CCDC14: variants seen among roughly 807,000 people sequenced by gnomAD.
CCDC14 encodes coiled-coil domain-containing protein 14.
CCDC14 carries 71 observed loss-of-function variants against 81.4 expected under a neutral mutation model. That is an observed-to-expected ratio of 0.87 (90% CI 0.72 to 1.06). The LOEUF (loss-of-function observed/expected upper bound fraction) is 1.06. CCDC14 is among the 50% of genes least tolerant of loss of function. The pLI is 0.00. For missense variants in CCDC14, 1,046 were observed against 1,047.3 expected (o/e 1.00, Z 0.02); for synonymous variants, 332 against 364.8 (o/e 0.91, Z 1.03).
At chr3:123,893,946 C>A (rs966870781), downstream of CCDC14, among the ~76,000 whole-genome samples, 2 of 152,116 alleles carry the variant, frequency 1.3e-5, no homozygotes, top group Admixed American at 6.5e-5. Flanking sequence ...GACTATTAAT[C>A]CTTTTCTAGA....
downstream of CCDC14, among the ~76,000 whole-genome samples, chr3:123,909,964 C>T (rs1310118826): frequency 6.6e-6 from 1 of 152,164 alleles, no homozygotes; most frequent in Non-Finnish European, 1.5e-5. Context: ...TCAGTTTCCA[C>T]ATGATAATTT....
At chr3:123,901,018 G>C (rs976374615) in intron 5 of CCDC14, among the ~76,000 whole-genome samples, 2 of 152,090 alleles carry the variant, frequency 1.3e-5, no homozygotes. Context: ...CAGATCGTGA[G>C]GTCAGGAGAT....
chr3:123,909,337 C>A (rs993692446), downstream of CCDC14, among the ~76,000 whole-genome samples: 8 of 152,132 alleles, frequency 5.3e-5, no homozygotes, highest in Non-Finnish European at 7.3e-5. Flanking sequence ...TCCATGTCTT[C>A]TTGAGATTTC....
chr3:123,931,580 C>A (rs2035713661), intron 10 of CCDC14, 54 bp from the exon 11 acceptor site: 13 of 858,848 alleles, frequency 1.5e-5, no homozygotes, highest in South Asian at 4.5e-5. Context: ...AAAGTACAAA[C>A]TTGGAAAATA....
rs1449971801 is a variant in CCDC14 at position 123,933,752 on chromosome 3, C to T, written c.1347G>A (p.Gln449=). 10 of 1,561,078 alleles carry T rather than the reference C, an allele frequency of 6.4e-6. No individual in the cohort carries two copies. The highest frequency in any genetic ancestry group is 7.8e-6 in the Non-Finnish European group (9 of 1,150,196). The change falls in exon 10 of 13, where the codon CAG becomes CAA. Residue 449 remains glutamine, a synonymous_variant. Coordinates refer to ENST00000409697, the MANE Select transcript of CCDC14 (RefSeq NM_001366335.1). ...LRSENAQLRR[Q]LRILNQQLRE... ...TGAGTTGCTGGTTCAAAATTCTCAA[C>T]TGCCTAAAGAAATAATGAAGAACTA...
At chr3:123,948,600 G>A (rs1339381630) in intron 7 of CCDC14, 91 bp downstream of exon 7, 1 of 943,946 alleles carries the variant, frequency 1.1e-6, no homozygotes, top group East Asian at 2.8e-5. Flanking sequence ...AAATCCTAGT[G>A]CATTAAGTTA....
chr3:123,892,103 AT>A, the CCDC14 span, among the ~76,000 whole-genome samples: 6 of 152,200 alleles, frequency 3.9e-5, no homozygotes, highest in Non-Finnish European at 8.8e-5. Context: ...ACCCGCCCCC[AT>A]GATTCAATCA....
At chr3:123,904,856 G>A (rs922749419) in intron 5 of CCDC14, among the ~76,000 whole-genome samples, 1 of 152,002 alleles carries the variant, frequency 6.6e-6, no homozygotes, top group Non-Finnish European at 1.5e-5. Flanking sequence ...TTGATCAACT[G>A]GTCCTTCACA....
chr3:123,889,639 G>C, the CCDC14 span, among the ~76,000 whole-genome samples: 1 of 152,228 alleles, frequency 6.6e-6, no homozygotes, highest in African/African-American at 2.4e-5. Context: ...TCACAGGCTG[G>C]CATTGAGTGC....
At chr3:123,952,911 C>A (rs1318873077) in intron 5 of CCDC14, 1 of 193,340 alleles carries the variant, frequency 5.2e-6, no homozygotes, top group East Asian at 1.1e-4. Flanking sequence ...ACACACACAA[C>A]TAGAAACTAA....
At chr3:123,933,050 G>A (rs558538926) in intron 10 of CCDC14, among the ~76,000 whole-genome samples, 31 of 152,212 alleles carry the variant, frequency 2.0e-4, no homozygotes, top group African/African-American at 7.0e-4. Context: ...AGTGAGACAC[G>A]ATCGCACCAC....
chr3:123,893,593 G>T (rs2034019148), downstream of CCDC14, among the ~76,000 whole-genome samples: 1 of 152,050 alleles, frequency 6.6e-6, no homozygotes. Flanking sequence ...ACATACTTAG[G>T]AATGAAATTA....
intron 5 of CCDC14, among the ~76,000 whole-genome samples, chr3:123,903,343 C>CACACACACAT (rs2034220559): frequency 6.8e-6 from 1 of 146,072 alleles, no homozygotes; most frequent in African/African-American, 2.5e-5. Flanking sequence ...CACACACACA[C>CACACACACAT]GACAAGCCAC....
the CCDC14 span, among the ~76,000 whole-genome samples, chr3:123,891,132 C>G: frequency 5.3e-5 from 8 of 151,490 alleles, no homozygotes; most frequent in Admixed American, 5.3e-4. Flanking sequence ...GGCACCTAAT[C>G]CCCAGGCTGC....
chr3:123,931,320 T>G lies in CCDC14; in HGVS notation c.1633A>C (p.Arg545=). 6.5e-7 allele frequency: 1 copy of G among 1,530,568 alleles called. No homozygotes were observed. The highest frequency in any genetic ancestry group is 8.9e-7 in the Non-Finnish European group (1 of 1,127,352). The allele number at this position is 1,530,568 out of a possible 1,614,324, so 94.8% of individuals were successfully genotyped here. The change falls in exon 11 of 13, where the codon AGA becomes CGA. Residue 545 remains arginine, a synonymous_variant. Transcript: ENST00000409697. The stretch of plus-strand genomic sequence containing the variant: ...TCTAAATACGTACCAATTTTTATTC[T>G]TGTTATCTCAATATCATATTGCTGT... ...NKQQYDIEIT[R]IKIELEEALV...
chr3:123,933,064 A>C (rs1325077144), intron 10 of CCDC14, among the ~76,000 whole-genome samples: 1 of 152,064 alleles, frequency 6.6e-6, no homozygotes, highest in East Asian at 1.9e-4. Flanking sequence ...GCACCACTGC[A>C]CTCCAGCCTG....
chr3:123,916,721 C>T (rs1260542845), intron 12 of CCDC14, among the ~76,000 whole-genome samples: 1 of 152,070 alleles, frequency 6.6e-6, no homozygotes, highest in Admixed American at 6.5e-5. Flanking sequence ...TTCCGAACTA[C>T]AATGAAGATT....
Position 123,915,591 on chromosome 3 carries a change from C to A in CCDC14, c.1906G>T (p.Ala636Ser). 1.2e-6 allele frequency: 2 copies of A among 1,613,972 alleles called. No individual in the cohort carries two copies. Among genetic ancestry groups the A allele is most frequent in the Non-Finnish European group, 1.7e-6 (2 of 1,179,876 alleles). ...IHDKQLQHDP[A>S]PAHTSIMSYL... ...CTCATTATGGAAGTGTGAGCAGGAGCTGGGTCATGTTGAAGTTGTTTATCA... is the reference window on the plus strand; with the variant it reads ...CTCATTATGGAAGTGTGAGCAGGAGATGGGTCATGTTGAAGTTGTTTATCA... Residue 636 changes from alanine (A) to serine (S), a missense_variant, in exon 13 of 13, where the codon GCT becomes TCT. Transcript: ENST00000409697.
intron 12 of CCDC14, among the ~76,000 whole-genome samples, chr3:123,924,143 T>G (rs528106421): frequency 2.0e-5 from 3 of 152,188 alleles, no homozygotes; most frequent in African/African-American, 7.2e-5. Flanking sequence ...ATCCATGTAT[T>G]TATGGCCAAT....
Sources: gnomAD v4.1 joint callset for allele counts (sites outside exome capture counted in the v4.1 genomes callset) on GRCh38, gnomAD v4.1.1 for gene constraint, MANE v1.5 for transcripts, NCBI Gene and HGNC (gene_info 2026-07-23, HGNC 2026-07-21) for gene names.